ARMH4: variants seen among roughly 807,000 people sequenced by gnomAD.
ARMH4 encodes armadillo like helical domain containing 4, also known as armadillo-like helical domain-containing protein 4.
ARMH4 carries 49 observed loss-of-function variants against 61.9 expected under a neutral mutation model. The ratio of observed to expected loss-of-function variants is 0.79; its 90% confidence interval spans 0.63 to 1.00. The LOEUF is 1.00. Ranked by LOEUF, ARMH4 falls within the 50% of genes least tolerant of loss-of-function variation. The pLI is 0.00. For synonymous variants in ARMH4, 368 were observed against 341.5 expected (o/e 1.08, Z -0.85); for missense variants, 934 against 930.0 (o/e 1.00, Z -0.06).
intron 1 of ARMH4, among the ~76,000 whole-genome samples, chr14:58,147,207 T>C (rs1887761010): frequency 6.6e-6 from 1 of 152,198 alleles, no homozygotes; most frequent in Non-Finnish European, 1.5e-5. Flanking sequence ...TAATCTCTTT[T>C]GGAATTGTAA....
chr14:58,067,738 A>G (rs922861876), intron 5 of ARMH4, among the ~76,000 whole-genome samples: 1 of 152,228 alleles, frequency 6.6e-6, no homozygotes, highest in African/African-American at 2.4e-5. Flanking sequence ...ACAAACAAAT[A>G]AACCAAAATG....
At chr14:58,116,374 G>A in intron 4 of ARMH4, 1 of 370,704 alleles carries the variant, frequency 2.7e-6, no homozygotes, top group Non-Finnish European at 5.6e-6. Context: ...ATTTCAGGCA[G>A]CTGTTTAAAT....
intron 5 of ARMH4, among the ~76,000 whole-genome samples, chr14:58,032,766 T>C (rs941700670): frequency 2.6e-5 from 4 of 152,102 alleles, no homozygotes; most frequent in African/African-American, 9.7e-5. Context: ...GGGAGTTCCC[T>C]TTCCGAGTCA....
chr14:58,020,643 G>C (rs1366928743), intron 5 of ARMH4, among the ~76,000 whole-genome samples: 2 of 152,120 alleles, frequency 1.3e-5, no homozygotes, highest in East Asian at 3.9e-4. Flanking sequence ...CTCATTCAGA[G>C]AAAATAAACT....
At chr14:58,010,753 T>C (rs1882378141) in intron 6 of ARMH4, among the ~76,000 whole-genome samples, 1 of 151,924 alleles carries the variant, frequency 6.6e-6, no homozygotes, top group African/African-American at 2.4e-5. Flanking sequence ...TAGGGAATGG[T>C]AAAGCTATAT....
intron 4 of ARMH4, chr14:58,116,477 C>T (rs989699231): frequency 4.2e-5 from 12 of 282,572 alleles, no homozygotes; most frequent in Admixed American, 1.2e-4. Context: ...GAGTTTGAGA[C>T]GAGCCTGGGC....
chr14:58,131,018 T>C (rs2139955314), intron 4 of ARMH4, among the ~76,000 whole-genome samples: 1 of 152,316 alleles, frequency 6.6e-6, no homozygotes, highest in East Asian at 1.9e-4. Context: ...TCAAAAGCTC[T>C]CCAAGGTATT....
Position 58,131,575 on chromosome 14 carries a change from C to G in ARMH4, c.1768G>C (p.Val590Leu), listed in dbSNP as rs375093886. ...LEASSERRTVVPSITRVNTAA... is the reference protein window; with the variant it reads ...LEASSERRTVLPSITRVNTAA... ...GTATTAACACGAGTAATAGATGGAA[C>G]AACAGTTCTTCTCTCAGAGGATGCC... Residue 590 changes from valine to leucine, a missense_variant, in exon 4 of 8, where the codon GTT becomes CTT. Transcript: ENST00000267485. 4.3e-6 allele frequency: 7 copies of G among 1,614,062 alleles called. No homozygotes were observed. The African/African-American group carries it at 9.3e-5, about 22-fold the overall frequency.
At chr14:58,127,212 G>T (rs564007336) in intron 4 of ARMH4, among the ~76,000 whole-genome samples, 1 of 152,254 alleles carries the variant, frequency 6.6e-6, no homozygotes, top group South Asian at 2.1e-4. Flanking sequence ...ATATGGTTTG[G>T]TTGTGTCCCC....
chr14:58,044,192 T>A (rs576967695), intron 5 of ARMH4, among the ~76,000 whole-genome samples: 2 of 152,188 alleles, frequency 1.3e-5, no homozygotes, highest in Non-Finnish European at 1.5e-5. Context: ...GCTGGAGGCA[T>A]CACACTACCT....
At chr14:58,101,057 A>G (rs967589169) in intron 4 of ARMH4, 8 of 172,488 alleles carry the variant, frequency 4.6e-5, no homozygotes, top group Admixed American at 4.5e-4. Context: ...TGGGCACCTC[A>G]TTGATGCAAC....
At position 58,119,773 on chromosome 14, in the gene ARMH4, C is replaced by T. The variant is rs142490469; in HGVS notation, c.1831+11739G>A. ...TGCCTGTTCTTCATGGAAAAGCAGC[C>T]GCTCCAGTTGTTAAAAGCTATTCTT... is the stretch of plus-strand genomic sequence containing the variant. On this transcript the variant is annotated intron_variant, in intron 4 of 7. Coordinates refer to ENST00000267485, the MANE Select transcript of ARMH4 (RefSeq NM_001001872.4). 2.6e-5 allele frequency among the ~76,000 whole-genome samples: 4 copies of T among 152,252 alleles called. No homozygotes were observed. The East Asian group carries it at 7.7e-4, about 29-fold the overall frequency.
In ARMH4 at chr14:58,100,041, A is replaced by C. The variant is rs549742485; in HGVS notation, c.1832-3060T>G. Among the ~76,000 whole-genome samples, 12 of 152,328 alleles carry C rather than the reference A, an allele frequency of 7.9e-5. No homozygotes were observed. The East Asian group carries it at 2.3e-3, about 29-fold the overall frequency. Reference sequence around the variant, plus strand: ...TTCTTCATAATGACTAAAAGAAGACAAGGTCCAGTGCACAGGCTGGTTTGG... The same window carrying C: ...TTCTTCATAATGACTAAAAGAAGACCAGGTCCAGTGCACAGGCTGGTTTGG... On this transcript the variant is annotated intron_variant, in intron 4 of 7. Transcript: ENST00000267485.
At chr14:58,147,081 G>GA (rs1234282703) in intron 1 of ARMH4, among the ~76,000 whole-genome samples, 1 of 152,100 alleles carries the variant, frequency 6.6e-6, no homozygotes, top group Non-Finnish European at 1.5e-5. Flanking sequence ...TTGTCAACTG[G>GA]AAGTTACTTT....
chr14:58,039,094 C>G (rs977250115), intron 5 of ARMH4, among the ~76,000 whole-genome samples: 1 of 152,250 alleles, frequency 6.6e-6, no homozygotes, highest in Non-Finnish European at 1.5e-5. Flanking sequence ...CCTGTGCAGA[C>G]TCATTCCTGT....
chr14:58,144,727 G>T (rs1246433244), intron 1 of ARMH4, among the ~76,000 whole-genome samples: 2 of 152,066 alleles, frequency 1.3e-5, no homozygotes, highest in Non-Finnish European at 2.9e-5. Context: ...AATTAGCCGG[G>T]CATGGTGGCG....
chr14:58,090,557 T>C (rs529124093), intron 5 of ARMH4, among the ~76,000 whole-genome samples: 2 of 151,914 alleles, frequency 1.3e-5, no homozygotes, highest in Non-Finnish European at 2.9e-5. Flanking sequence ...TACTGGGGGA[T>C]TCTCGAAAGG....
rs745497280 is a variant in ARMH4, at chr14:58,139,453, A to C, written c.-56-39T>G. The C allele has an allele frequency of 1.1e-5, 12 of 1,130,900 alleles. No individual in the cohort carries two copies. In the South Asian group the frequency reaches 1.4e-4, roughly 13 times the overall value. The allele number at this position is 1,130,900 out of a possible 1,614,324, so 70.1% of individuals were successfully genotyped here. A position where few individuals can be genotyped will look rare whatever the true frequency, so the allele number is the denominator to read the frequency against. On this transcript the variant is annotated intron_variant, in intron 1 of 7. Coordinates refer to ENST00000267485, the MANE Select transcript of ARMH4 (RefSeq NM_001001872.4). ...AAGCATATCAAACTGTCATATAAAT[A>C]CATGTTGTAAATAAGTCTCTTTAAA...
chr14:58,105,541 G>T (rs930529857), intron 4 of ARMH4, among the ~76,000 whole-genome samples: 2 of 151,984 alleles, frequency 1.3e-5, no homozygotes, highest in Non-Finnish European at 2.9e-5. Flanking sequence ...ACAAAAATCA[G>T]CCAGGCATGG....
Sources: gnomAD v4.1 joint callset for allele counts (sites outside exome capture counted in the v4.1 genomes callset) on GRCh38, gnomAD v4.1.1 for gene constraint, MANE v1.5 for transcripts, NCBI Gene and HGNC (gene_info 2026-07-23, HGNC 2026-07-21) for gene names.